Variants in RUNX2 observed in about 807,000 individuals in gnomAD.
RUNX2 encodes the protein runt-related transcription factor 2.
RUNX2 carries 10 observed loss-of-function variants against 51.7 expected under a neutral mutation model. The ratio of observed to expected loss-of-function variants is 0.19; its 90% CI spans 0.12 to 0.33. The LOEUF is 0.33. RUNX2 is among the 10% of genes least tolerant of loss of function. The pLI, the probability that RUNX2 is intolerant of heterozygous loss-of-function variation, is 1.00. For synonymous variants in RUNX2, 276 were observed against 273.6 expected (o/e 1.01, Z -0.09); for missense variants, 562 against 691.3 (o/e 0.81, Z 2.10).
intron 2 of RUNX2, among the ~76,000 whole-genome samples, chr6:45,413,194 T>C (rs913774114): frequency 6.6e-6 from 1 of 152,236 alleles, no homozygotes; most frequent in Non-Finnish European, 1.5e-5. Flanking sequence ...GTTTGCAATG[T>C]ATTTAAATAA....
At chr6:45,543,714 C>G (rs1802303619) in intron 7 of RUNX2, among the ~76,000 whole-genome samples, 2 of 152,132 alleles carry the variant, frequency 1.3e-5, no homozygotes, top group African/African-American at 4.8e-5. Flanking sequence ...ACAAGGATGA[C>G]TAGTTTAGGA....
At chr6:45,472,363 G>A (rs1050341400) in intron 5 of RUNX2, among the ~76,000 whole-genome samples, 4 of 152,182 alleles carry the variant, frequency 2.6e-5, no homozygotes, top group Non-Finnish European at 5.9e-5. Flanking sequence ...GTTTCAGTCA[G>A]ATGTATATGA....
chr6:45,404,296 A>G (rs1797787121), intron 2 of RUNX2, among the ~76,000 whole-genome samples: 1 of 137,110 alleles, frequency 7.3e-6, no homozygotes, highest in South Asian at 2.3e-4. Flanking sequence ...AAGAAAAAAA[A>G]AAGGAAAAAA....
At chr6:45,329,936 A>G (rs1787118100) in intron 2 of RUNX2, among the ~76,000 whole-genome samples, 1 of 151,872 alleles carries the variant, frequency 6.6e-6, no homozygotes, top group Non-Finnish European at 1.5e-5. Flanking sequence ...GTACATCTAT[A>G]TTAACTCTGC....
intron 6 of RUNX2, among the ~76,000 whole-genome samples, chr6:45,503,451 C>T (rs180846302): frequency 4.6e-5 from 7 of 152,124 alleles, no homozygotes; most frequent in African/African-American, 1.4e-4. Flanking sequence ...TGTAATACCC[C>T]GACTGCCCAT....
intron 6 of RUNX2, among the ~76,000 whole-genome samples, chr6:45,505,518 A>G (rs1222614815): frequency 6.6e-6 from 1 of 152,132 alleles, no homozygotes. Context: ...TAGGAAGTGC[A>G]TAGCCACCCC....
intron 7 of RUNX2, among the ~76,000 whole-genome samples, chr6:45,531,617 G>C (rs920680630): frequency 6.6e-6 from 1 of 152,064 alleles, no homozygotes; most frequent in Non-Finnish European, 1.5e-5. Context: ...GCCAGGCGTG[G>C]TGGTGCGCAC....
chr6:45,434,038 TG>T (rs1798615082), intron 4 of RUNX2, among the ~76,000 whole-genome samples: 1 of 152,074 alleles, frequency 6.6e-6, no homozygotes, highest in Admixed American at 6.5e-5. Flanking sequence ...AAGACTTAGA[TG>T]GGGGGTAGGG....
chr6:45,486,683 T>G (rs1488897819), intron 5 of RUNX2, among the ~76,000 whole-genome samples: 2 of 152,194 alleles, frequency 1.3e-5, no homozygotes, highest in Non-Finnish European at 2.9e-5. Context: ...AAGTGCATTT[T>G]GACATTCTTC....
At chr6:45,361,283 T>C (rs950843492) in intron 2 of RUNX2, among the ~76,000 whole-genome samples, 1 of 152,154 alleles carries the variant, frequency 6.6e-6, no homozygotes, top group African/African-American at 2.4e-5. Flanking sequence ...GTAAACAAGA[T>C]TTTTTCAATG....
At chr6:45,340,293 T>G (rs1789482233) in intron 2 of RUNX2, among the ~76,000 whole-genome samples, 2 of 152,122 alleles carry the variant, frequency 1.3e-5, no homozygotes, top group Admixed American at 1.3e-4. Flanking sequence ...AATAAAAGTA[T>G]ATCAAGGAAT....
intron 2 of RUNX2, among the ~76,000 whole-genome samples, chr6:45,418,780 C>T (rs1358420587): frequency 2.6e-5 from 4 of 152,124 alleles, no homozygotes; most frequent in Admixed American, 6.5e-5. Context: ...TGCCAGATAC[C>T]TGAAACGTTG....
chr6:45,362,318 A>G (rs567452752), intron 2 of RUNX2, among the ~76,000 whole-genome samples: 1 of 152,310 alleles, frequency 6.6e-6, no homozygotes, highest in African/African-American at 2.4e-5. Context: ...ACAACAACTC[A>G]TTAATAGTGA....
chr6:45,434,251 T>A (rs1798620208), intron 4 of RUNX2, among the ~76,000 whole-genome samples: 1 of 152,184 alleles, frequency 6.6e-6, no homozygotes, highest in Non-Finnish European at 1.5e-5. Flanking sequence ...TAACCTGCCT[T>A]TGTACCCTTT....
Position 45,508,220 on chromosome 6 carries a change from C to CTTT in RUNX2, c.860-4003_860-4001dup, listed in dbSNP as rs61501897. On this transcript the variant is annotated intron_variant, in intron 6 of 8. Coordinates refer to ENST00000647337, the MANE Select transcript of RUNX2 (RefSeq NM_001024630.4). ...CCCCATATGGCAGTTCTTATATTTC[C>CTTT]TTTTTTTTTTTTTTTTTTTTTTTTT... 4.8e-3 allele frequency among the ~76,000 whole-genome samples: 314 copies of CTTT among 65,674 alleles called. 1 individual carries two copies. The highest frequency in any genetic ancestry group is 0.01 in the East Asian group (16 of 1,552). 43.1% of individuals were successfully genotyped at this position (65,674 alleles called of 152,430 possible). A position where few individuals can be genotyped will look rare whatever the true frequency, so the allele number is the denominator to read the frequency against.
At chr6:45,507,361 C>T (rs1425631161) in intron 6 of RUNX2, among the ~76,000 whole-genome samples, 2 of 152,088 alleles carry the variant, frequency 1.3e-5, no homozygotes, top group African/African-American at 2.4e-5. Context: ...ACTGATGATG[C>T]CTGAAAAACA....
In RUNX2 at chr6:45,492,105, C is replaced by A; in HGVS notation, c.850C>A (p.Gln284Lys). The A allele has an allele frequency of 6.2e-7, 1 of 1,613,692 alleles. No homozygotes were observed. Among genetic ancestry groups the A allele is most frequent in the South Asian group, 1.1e-5 (1 of 91,060 alleles). ...PSPFNPQGQS[Q>K]ITDPRQAQSS... ...TCCTTTTAATCCACAAGGACAGAGTCAGATTACAGGTAAGACAGACTCATA... is the reference window on the plus strand; with the variant it reads ...TCCTTTTAATCCACAAGGACAGAGTAAGATTACAGGTAAGACAGACTCATA... The change falls in exon 6 of 9, where the codon CAG becomes AAG. Residue 284 changes from glutamine to lysine, a missense_variant. Gln to Lys is a moderately conservative substitution (Grantham distance 53). Coordinates refer to ENST00000647337, the MANE Select transcript of RUNX2 (RefSeq NM_001024630.4).
At chr6:45,461,429 T>C (rs1799473353) in intron 5 of RUNX2, among the ~76,000 whole-genome samples, 1 of 152,082 alleles carries the variant, frequency 6.6e-6, no homozygotes, top group Non-Finnish European at 1.5e-5. Flanking sequence ...AAGGGATGTA[T>C]AGAGGCAAAG....
Position 45,420,514 on chromosome 6 carries a change from C to G in RUNX2, c.59-2079C>G, listed in dbSNP as rs566389515. On this transcript the variant is annotated intron_variant, in intron 2 of 8. Coordinates refer to ENST00000647337, the MANE Select transcript of RUNX2 (RefSeq NM_001024630.4). ...AGGGCGTGAGAGATGACCCAACCAT[C>G]TTTCTTCCTTGATGCTTCGAGGGGG... Among the ~76,000 whole-genome samples the G allele has an allele frequency of 7.2e-5, 11 of 152,354 alleles. 1 individual carries two copies. The East Asian group carries it at 1.9e-3, about 27-fold the overall frequency.
Sources: allele counts gnomAD v4.1 joint callset (sites outside exome capture counted in the v4.1 genomes callset), GRCh38; gene constraint gnomAD v4.1.1; transcripts MANE v1.5; gene names NCBI Gene and HGNC (gene_info 2026-07-23, HGNC 2026-07-21).